Variants in KIF21A observed in about 807,000 individuals in gnomAD.
The protein encoded by KIF21A is kinesin-like protein KIF21A.
In KIF21A, 114 loss-of-function variants were observed where a neutral mutation model predicts 202.9. The observed-to-expected ratio is 0.56, with a 90% CI of 0.48 to 0.66. The LOEUF (loss-of-function observed/expected upper bound fraction) is 0.66, where lower values mean the gene tolerates loss of function less well. KIF21A is among the 30% of genes least tolerant of loss of function. The pLI, the probability that KIF21A is intolerant of heterozygous loss-of-function variation, is 0.00. For missense variants in KIF21A, 1,677 were observed against 1,994.9 expected (o/e 0.84, Z 3.04); for synonymous variants, 667 against 670.8 (o/e 0.99, Z 0.09).
intron 1 of KIF21A, among the ~76,000 whole-genome samples, chr12:39,416,824 T>TAC (rs1953779780): frequency 7.0e-6 from 1 of 142,166 alleles, no homozygotes; most frequent in East Asian, 2.1e-4. Flanking sequence ...TGTATATATG[T>TAC]ACATATATGT....
intron 1 of KIF21A, among the ~76,000 whole-genome samples, chr12:39,381,469 A>C (rs571744036): frequency 4.6e-5 from 7 of 152,260 alleles, no homozygotes; most frequent in Non-Finnish European, 2.9e-5. Flanking sequence ...TAGAAATCAA[A>C]ATAACATTTT....
At chr12:39,335,020 T>A (rs1354706964) in intron 17 of KIF21A, among the ~76,000 whole-genome samples, 2 of 152,106 alleles carry the variant, frequency 1.3e-5, no homozygotes, top group East Asian at 3.9e-4. Flanking sequence ...GTCTATCAAC[T>A]GATGAATGGA....
In KIF21A at chr12:39,356,883, T is replaced by A. The variant is rs1211798681; in HGVS notation, c.1418A>T (p.Glu473Val). Residue 473 changes from glutamate (E) to valine (V), a missense_variant, in exon 10 of 38, where the codon GAG (glutamate) becomes GTG (valine). Transcript: ENST00000361418. ...HVLARAGEGN[E>V]EISNMIHSYI... ...ACTATGAATCATATTACTAATCTCC[T>A]CATTTCCTTCACCTGAAAGACAAAA... 4 of 1,292,806 alleles carry A rather than the reference T, an allele frequency of 3.1e-6. No homozygotes were observed. Among genetic ancestry groups the A allele is most frequent in the African/African-American group, 2.9e-5 (2 of 68,694 alleles). The allele number at this position is 1,292,806 out of a possible 1,614,324, so 80.1% of individuals were successfully genotyped here. A position where few individuals can be genotyped will look rare whatever the true frequency, so the allele number is the denominator to read the frequency against.
rs375768830 is a variant in KIF21A, at chr12:39,357,303, C to A, written c.1350G>T (p.Arg450Ser). Residue 450 changes from arginine to serine, a missense_variant, in exon 9 of 38, where the codon AGG becomes AGT. By Grantham distance (110) the Arg-to-Ser change is moderately radical. Transcript: ENST00000361418. ...CACTAACAAGCTGTGTAATTCTGGA[C>A]CTCAATGCATCAACCGTCTCTTGCA... is the stretch of plus-strand genomic sequence containing the variant. ...KAMQETVDALRSRITQLVSDQ... is the reference protein window; with the variant it reads ...KAMQETVDALSSRITQLVSDQ... The A allele has an allele frequency of 1.9e-6, 3 of 1,614,004 alleles. No homozygotes were observed. The highest frequency in any genetic ancestry group is 2.2e-5 in the South Asian group (2 of 91,082).
At chr12:39,296,161 C>T (rs1020294636) in intron 37 of KIF21A, among the ~76,000 whole-genome samples, 12 of 151,054 alleles carry the variant, frequency 7.9e-5, no homozygotes, top group South Asian at 2.1e-4. Flanking sequence ...CTCCGCCTCC[C>T]GGGTTCAGGG....
At chr12:39,362,828 A>T (rs531775163) in intron 7 of KIF21A, among the ~76,000 whole-genome samples, 2 of 152,340 alleles carry the variant, frequency 1.3e-5, no homozygotes, top group South Asian at 4.1e-4. Flanking sequence ...ATACAAGCTA[A>T]GTGGCCTTGA....
chr12:39,358,191 A>G lies in KIF21A; in HGVS notation c.1202T>C (p.Met401Thr), dbSNP rs376944751. The G allele has an allele frequency of 8.7e-5, 140 of 1,613,886 alleles. No homozygotes were observed. The highest frequency in any genetic ancestry group is 1.2e-4 in the Non-Finnish European group (139 of 1,179,956). Residue 401 changes from methionine (M) to threonine (T), a missense_variant, in exon 8 of 38, where the codon ATG becomes ACG. Physicochemically the swap from Met to Thr is moderately conservative, Grantham distance 81 (BLOSUM62 -1). Coordinates refer to ENST00000361418, the MANE Select transcript of KIF21A (RefSeq NM_001173464.2). ...SEITRLQMEL[M>T]EYKTGKRIID... The stretch of plus-strand genomic sequence containing the variant: ...TCATTAGCTTACTGTTTTGTACTCC[A>G]TGAGCTCCATCTGAAGTCGTGTGAT...
At chr12:39,377,081 T>C (rs919935604) in intron 1 of KIF21A, among the ~76,000 whole-genome samples, 15 of 152,128 alleles carry the variant, frequency 9.9e-5, no homozygotes, top group African/African-American at 3.1e-4. Context: ...CCCCACAAGA[T>C]TGTGGTAGTT....
intron 1 of KIF21A, among the ~76,000 whole-genome samples, chr12:39,403,137 C>CA (rs56780876): frequency 1.5e-4 from 22 of 150,276 alleles, no homozygotes; most frequent in Middle Eastern, 3.5e-3. Context: ...CACCCCTTGA[C>CA]AAAAAAAAAC....
intron 6 of KIF21A, among the ~76,000 whole-genome samples, chr12:39,364,502 T>C (rs1269959105): frequency 6.6e-6 from 1 of 152,224 alleles, no homozygotes; most frequent in Non-Finnish European, 1.5e-5. Flanking sequence ...CACCCACATG[T>C]CGGACCATCA....
Position 39,346,430 on chromosome 12 carries a change from C to T in KIF21A, c.1712+36G>A, listed in dbSNP as rs572207041. On this transcript the variant is annotated intron_variant, in intron 12 of 37. Coordinates refer to ENST00000361418, the MANE Select transcript of KIF21A (RefSeq NM_001173464.2). ...TGTGAATGGCAACTAAGTATTTAAA[C>T]GACATTTTAATAAAAAACCTGGGAA... 16 of 1,417,284 alleles carry T rather than the reference C, an allele frequency of 1.1e-5. 1 individual carries two copies. Among genetic ancestry groups the T allele is most frequent in the South Asian group, 7.9e-5 (5 of 63,446 alleles). The allele number at this position is 1,417,284 out of a possible 1,614,324, so 87.8% of individuals were successfully genotyped here. A position where few individuals can be genotyped will look rare whatever the true frequency, so the allele number is the denominator to read the frequency against.
chr12:39,426,229 C>T (rs1247919645), intron 1 of KIF21A, among the ~76,000 whole-genome samples: 1 of 152,130 alleles, frequency 6.6e-6, no homozygotes. Flanking sequence ...AAGCTTTCTA[C>T]CTCACTAAAA....
intron 17 of KIF21A, among the ~76,000 whole-genome samples, chr12:39,334,334 A>G (rs2138189814): frequency 6.6e-6 from 1 of 152,294 alleles, no homozygotes; most frequent in African/African-American, 2.4e-5. Context: ...ATGACAGTTC[A>G]CTACAAACTT....
chr12:39,381,642 C>T (rs777956144), intron 1 of KIF21A, among the ~76,000 whole-genome samples: 18 of 152,198 alleles, frequency 1.2e-4, no homozygotes, highest in Middle Eastern at 6.8e-3. Flanking sequence ...CAGCTCAAAG[C>T]CAAGACATTA....
chr12:39,368,111 T>C (rs1949721963), intron 3 of KIF21A, 79 bp from the exon 4 acceptor site: 1 of 846,266 alleles, frequency 1.2e-6, no homozygotes, highest in African/African-American at 1.7e-5. Flanking sequence ...ACATAATGAT[T>C]CCTTCATACA....
chr12:39,380,004 G>T (rs965316975), intron 1 of KIF21A, among the ~76,000 whole-genome samples: 8 of 152,220 alleles, frequency 5.3e-5, no homozygotes, highest in African/African-American at 1.9e-4. Flanking sequence ...GTCTCCCTCT[G>T]TTGCTCAGGC....
intron 23 of KIF21A, 36 bp downstream of exon 23, chr12:39,330,710 T>G (rs759267265): frequency 3.8e-5 from 61 of 1,602,690 alleles, no homozygotes; most frequent in Non-Finnish European, 2.6e-6. Context: ...AAAGCTACCA[T>G]GCAAATTCAT....
chr12:39,294,287 G>GT lies in KIF21A; in HGVS notation c.*136dup, dbSNP rs1360561997. On this transcript the variant is annotated 3_prime_UTR_variant, in exon 38 of 38. Coordinates refer to ENST00000361418, the MANE Select transcript of KIF21A (RefSeq NM_001173464.2). ...CAATTTTATTAGAATACCATTTATA[G>GT]TCAGCAGTTGAATTCAGATATATTT... 1 of 685,104 alleles carries GT rather than the reference G, an allele frequency of 1.5e-6. No individual in the cohort carries two copies. Among genetic ancestry groups the GT allele is most frequent in the Non-Finnish European group, 2.7e-6 (1 of 374,516 alleles). The allele number at this position is 685,104 out of a possible 1,614,324, so 42.4% of individuals were successfully genotyped here.
rs796366678 is a variant in KIF21A, at chr12:39,351,708, T to G, written c.1673+69A>C. On this transcript the variant is annotated intron_variant, in intron 11 of 37. Transcript: ENST00000361418. ...TACTCATGAGACTATGTATGCTCTTTATAATTGCAAATTAAAATACCCTGA... is the reference window on the plus strand; with the variant it reads ...TACTCATGAGACTATGTATGCTCTTGATAATTGCAAATTAAAATACCCTGA... The G allele has an allele frequency of 1.6e-5, 16 of 970,916 alleles. No individual in the cohort carries two copies. The South Asian group carries it at 1.9e-4, about 12-fold the overall frequency. The allele number at this position is 970,916 out of a possible 1,614,324, so 60.1% of individuals were successfully genotyped here.
Sources: allele counts gnomAD v4.1 joint callset (sites outside exome capture counted in the v4.1 genomes callset), GRCh38; gene constraint gnomAD v4.1.1; transcripts MANE v1.5; gene names NCBI Gene and HGNC (gene_info 2026-07-23, HGNC 2026-07-21).